The following ERC1 variants were observed in gnomAD, a reference collection of about 807,000 sequenced individuals.
ERC1 encodes the protein ELKS/RAB6-interacting/CAST family member 1.
Under a neutral mutation model 132.0 loss-of-function variants are expected in ERC1, and 56 were observed. The observed-to-expected ratio is 0.42, with a 90% CI of 0.34 to 0.53. The LOEUF (loss-of-function observed/expected upper bound fraction) is 0.53. ERC1 is among the 20% of genes least tolerant of loss of function. The pLI, the probability that ERC1 is intolerant of heterozygous loss-of-function variation, is 0.03. For missense variants in ERC1, 1,202 were observed against 1,349.9 expected (o/e 0.89, Z 1.72); for synonymous variants, 478 against 476.1 (o/e 1.00, Z -0.05).
intron 15 of ERC1, among the ~76,000 whole-genome samples, chr12:1,341,069 CTTTTTTTTTTT>C (rs35902573): frequency 8.6e-4 from 54 of 63,106 alleles, no homozygotes; most frequent in African/African-American, 1.6e-3. Context: ...TTTTCTTTTT[CTTTTTTTTTTT>C]TTTTTTTTTT....
intron 7 of ERC1, among the ~76,000 whole-genome samples, chr12:1,135,610 A>C (rs1949170805): frequency 6.6e-6 from 1 of 152,190 alleles, no homozygotes; most frequent in African/African-American, 2.4e-5. Flanking sequence ...CTCTAAATGC[A>C]ATGACTGGAG....
chr12:1,204,658 G>A, intron 12 of ERC1: 5 of 768,136 alleles, frequency 6.5e-6, no homozygotes, highest in South Asian at 2.2e-5. Flanking sequence ...AGGGTATTGG[G>A]TTTATCAGAA....
rs1555186025 is a variant in ERC1 at position 991,247 on chromosome 12, C to CGGCGGCGGCGGCGGCGGTTGT, written c.-218_-217insCGGTTGTGGCGGCGGCGGCGG. 1 of 158,302 alleles carries CGGCGGCGGCGGCGGCGGTTGT rather than the reference C, an allele frequency of 6.3e-6. No individual in the cohort carries two copies. The highest frequency in any genetic ancestry group is 2.5e-5 in the African/African-American group (1 of 39,724). The allele number at this position is 158,302 out of a possible 1,614,324, so 9.8% of individuals were successfully genotyped here. ...CGCGGGCGCCTGGGCCGTGCTGTGG[C>CGGCGGCGGCGGCGGCGGTTGT]GGCGGCGGCGGCGGTAGTGGCGGCG... On this transcript the variant is annotated 5_prime_UTR_variant, in exon 1 of 19. Transcript: ENST00000360905.
chr12:1,196,052 T>C lies in ERC1; in HGVS notation c.2351+6000T>C, dbSNP rs977684841. Among the ~76,000 whole-genome samples the C allele has an allele frequency of 2.6e-5, 4 of 152,160 alleles. 1 individual carries two copies. The highest frequency in any genetic ancestry group is 4.4e-5 in the Non-Finnish European group (3 of 68,036). ...AAATCAAAAAATAATTTCCCTAGTA[T>C]TTTAATTACTCCCCCAAATCAGGAA... On this transcript the variant is annotated intron_variant, in intron 12 of 18. Coordinates refer to ENST00000360905, the MANE Select transcript of ERC1 (RefSeq NM_178040.4).
intron 12 of ERC1, among the ~76,000 whole-genome samples, chr12:1,233,716 G>T (rs1166634988): frequency 6.6e-6 from 1 of 152,044 alleles, no homozygotes; most frequent in African/African-American, 2.4e-5. Flanking sequence ...GTGAGTCGTT[G>T]TATGGAATAA....
At chr12:1,191,960 A>G (rs1393009835) in intron 12 of ERC1, among the ~76,000 whole-genome samples, 5 of 152,166 alleles carry the variant, frequency 3.3e-5, no homozygotes, top group South Asian at 2.1e-4. Flanking sequence ...AGAATCATGG[A>G]ATTTGTGAAA....
At position 1,105,559 on chromosome 12, in the gene ERC1, G is replaced by A. The variant is rs140814122; in HGVS notation, c.1161+735G>A. Among the ~76,000 whole-genome samples, 213 of 151,948 alleles carry A rather than the reference G, an allele frequency of 1.4e-3. 2 individuals carry two copies. In the Middle Eastern group the frequency reaches 0.02, roughly 15 times the overall value. On this transcript the variant is annotated intron_variant, in intron 4 of 18. Coordinates refer to ENST00000360905, the MANE Select transcript of ERC1 (RefSeq NM_178040.4). ...TTTTTAGTAGAGATGGGGTTTCACC[G>A]TGTTAGCCAGGATGGTCTCCATCTC... is the stretch of plus-strand genomic sequence containing the variant.
At chr12:1,317,364 T>G (rs2081827921) in intron 15 of ERC1, among the ~76,000 whole-genome samples, 1 of 151,652 alleles carries the variant, frequency 6.6e-6, no homozygotes, top group Admixed American at 6.6e-5. Context: ...TGAGAACACA[T>G]GGACACAGGG....
chr12:1,339,767 A>G (rs1026819443), intron 15 of ERC1, among the ~76,000 whole-genome samples: 1 of 152,132 alleles, frequency 6.6e-6, no homozygotes, highest in African/African-American at 2.4e-5. Flanking sequence ...TGTGTGCCCC[A>G]GGCAGGGGTG....
intron 15 of ERC1, among the ~76,000 whole-genome samples, chr12:1,337,239 G>A (rs142865546): frequency 5.9e-5 from 9 of 152,012 alleles, no homozygotes; most frequent in South Asian, 2.1e-4. Flanking sequence ...CCTGTGTCAG[G>A]TGCATATATA....
chr12:1,159,098 T>C (rs1040967440), intron 8 of ERC1, among the ~76,000 whole-genome samples: 19 of 152,124 alleles, frequency 1.2e-4, no homozygotes, highest in Non-Finnish European at 1.6e-4. Flanking sequence ...ATGAGAAAAA[T>C]GTTCAACTAT....
rs2094324627 is a variant in ERC1 at position 1,492,267 on chromosome 12, A to G, written c.*2037A>G. ...AAGTGGTGGTCGTTTGTGGTCAGTT[A>G]CCTCAATTCTGTTCATTGCAGTGCC... is the stretch of plus-strand genomic sequence containing the variant. On this transcript the variant is annotated 3_prime_UTR_variant, in exon 19 of 19. Transcript: ENST00000360905. The G allele has an allele frequency of 4.3e-6, 1 of 233,272 alleles. No homozygotes were observed. Among genetic ancestry groups the G allele is most frequent in the Non-Finnish European group, 8.5e-6 (1 of 118,026 alleles). 14.5% of individuals were successfully genotyped at this position (233,272 alleles called of 1,614,324 possible).
intron 15 of ERC1, among the ~76,000 whole-genome samples, chr12:1,307,628 C>T (rs1295031590): frequency 2.6e-5 from 4 of 152,106 alleles, no homozygotes; most frequent in Admixed American, 6.5e-5. Context: ...TAAACTAATG[C>T]CCGAGCGCCC....
chr12:1,139,731 T>C (rs1367799065), intron 7 of ERC1, among the ~76,000 whole-genome samples: 1 of 150,642 alleles, frequency 6.6e-6, no homozygotes, highest in African/African-American at 2.4e-5. Flanking sequence ...GGAGTTGATA[T>C]GAGACTGAAA....
At chr12:1,421,735 G>A (rs550544839) in intron 17 of ERC1, among the ~76,000 whole-genome samples, 5 of 151,936 alleles carry the variant, frequency 3.3e-5, no homozygotes, top group East Asian at 3.9e-4. Context: ...GCTAGGGAAC[G>A]GGCTGCGCAC....
At chr12:1,120,597 A>G (rs1225561802) in intron 7 of ERC1, among the ~76,000 whole-genome samples, 2 of 152,170 alleles carry the variant, frequency 1.3e-5, no homozygotes, top group Non-Finnish European at 2.9e-5. Flanking sequence ...ATGCTATACT[A>G]GGGACCTACC....
At chr12:1,247,608 C>A (rs1201343522) in intron 13 of ERC1, among the ~76,000 whole-genome samples, 1 of 152,172 alleles carries the variant, frequency 6.6e-6, no homozygotes, top group African/African-American at 2.4e-5. Flanking sequence ...ATTAACATAA[C>A]AGGTTAGTTA....
chr12:1,322,586 A>G (rs979514834), intron 15 of ERC1, among the ~76,000 whole-genome samples: 2 of 152,184 alleles, frequency 1.3e-5, no homozygotes, highest in African/African-American at 4.8e-5. Flanking sequence ...CCCATGCCAG[A>G]GAGGGGTATG....
intron 3 of ERC1, 136 bp downstream of exon 3, chr12:1,083,716 C>T (rs1460918327): frequency 1.0e-5 from 7 of 675,238 alleles, no homozygotes; most frequent in Admixed American, 2.9e-5. Flanking sequence ...TATTTAAGTG[C>T]GTCACTGATT....
Sources: gnomAD v4.1 joint callset for allele counts (sites outside exome capture counted in the v4.1 genomes callset) on GRCh38, gnomAD v4.1.1 for gene constraint, MANE v1.5 for transcripts, NCBI Gene and HGNC (gene_info 2026-07-23, HGNC 2026-07-21) for gene names.